Variants in KCNQ3 observed in about 807,000 individuals in gnomAD.
KCNQ3 encodes potassium voltage-gated channel subfamily KQT member 3.
A neutral mutation model predicts 92.5 loss-of-function variants in KCNQ3; 30 were observed. The observed-to-expected ratio is 0.32, with a 90% CI of 0.24 to 0.44. The LOEUF is 0.44. Among genes scored for constraint, KCNQ3 ranks in the 20% least tolerant of loss-of-function variants. KCNQ3 has a pLI of 1.00. For missense variants in KCNQ3, 913 were observed against 1,140.3 expected (o/e 0.80, Z 2.87); for synonymous variants, 450 against 468.8 (o/e 0.96, Z 0.52).
At chr8:132,471,340 C>T (rs1822295549) in intron 1 of KCNQ3, among the ~76,000 whole-genome samples, 1 of 152,134 alleles carries the variant, frequency 6.6e-6, no homozygotes. Context: ...GGCAGATCTC[C>T]TAACTTCTCT....
chr8:132,342,849 G>A (rs1050455773), intron 1 of KCNQ3, among the ~76,000 whole-genome samples: 7 of 152,188 alleles, frequency 4.6e-5, no homozygotes, highest in African/African-American at 1.7e-4. Context: ...AATAAATTGG[G>A]CATAGATTAT....
chr8:132,153,278 A>T (rs1825693211), intron 9 of KCNQ3, among the ~76,000 whole-genome samples: 1 of 152,214 alleles, frequency 6.6e-6, no homozygotes, highest in African/African-American at 2.4e-5. Flanking sequence ...TTGGGAAAGT[A>T]AGACCAAGAG....
At chr8:132,361,381 G>A (rs1009235019) in intron 1 of KCNQ3, among the ~76,000 whole-genome samples, 2 of 152,204 alleles carry the variant, frequency 1.3e-5, no homozygotes, top group Admixed American at 6.5e-5. Context: ...CTCCAAGGCA[G>A]AGATCTTTTA....
intron 1 of KCNQ3, among the ~76,000 whole-genome samples, chr8:132,411,492 C>G (rs912560668): frequency 1.3e-5 from 2 of 152,112 alleles, no homozygotes; most frequent in Non-Finnish European, 2.9e-5. Context: ...AGAAGCAGCT[C>G]TGGAGAGGCA....
intron 1 of KCNQ3, among the ~76,000 whole-genome samples, chr8:132,470,686 C>T (rs1587051989): frequency 6.6e-6 from 1 of 152,164 alleles, no homozygotes; most frequent in South Asian, 2.1e-4. Context: ...CTTAATTATC[C>T]TTATATAATG....
chr8:132,249,709 G>T (rs1015998757), intron 1 of KCNQ3, among the ~76,000 whole-genome samples: 3 of 152,182 alleles, frequency 2.0e-5, no homozygotes, highest in Non-Finnish European at 4.4e-5. Context: ...AGAGCAGGGG[G>T]CGGTGCTCGT....
intron 1 of KCNQ3, among the ~76,000 whole-genome samples, chr8:132,219,562 C>T (rs28551683): frequency 0.07 from 10,702 of 152,158 alleles, 496 homozygotes; most frequent in African/African-American, 0.12. Flanking sequence ...CTGCTGTTCT[C>T]TCTCAGTCTG....
At position 132,479,989 on chromosome 8, in the gene KCNQ3, CA is replaced by C. The variant is rs1563925573; in HGVS notation, c.386+157del. On this transcript the variant is annotated intron_variant, in intron 1 of 14. Coordinates refer to ENST00000388996, the MANE Select transcript of KCNQ3 (RefSeq NM_004519.4). ...ACACACACACACACACACACACACA[CA>C]CACCCAGGGAAACGCGTGCTGAGGA... Among the ~76,000 whole-genome samples, 369 of 149,260 alleles carry C rather than the reference CA, an allele frequency of 2.5e-3. 1 individual carries two copies. The East Asian group carries it at 0.031, about 13-fold the overall frequency.
At chr8:132,366,843 T>A (rs755382258) in intron 1 of KCNQ3, among the ~76,000 whole-genome samples, 4 of 152,220 alleles carry the variant, frequency 2.6e-5, no homozygotes, top group Admixed American at 6.5e-5. Context: ...ATTGCTGGAC[T>A]CTCTTTGCTA....
intron 1 of KCNQ3, among the ~76,000 whole-genome samples, chr8:132,382,741 T>A (rs760798200): frequency 6.6e-6 from 1 of 152,022 alleles, no homozygotes; most frequent in Non-Finnish European, 1.5e-5. Flanking sequence ...TCCTTGTGAA[T>A]TGGGGAAGGG....
At chr8:132,197,830 ATG>A (rs775784815) in intron 1 of KCNQ3, among the ~76,000 whole-genome samples, 4 of 152,206 alleles carry the variant, frequency 2.6e-5, no homozygotes, top group Non-Finnish European at 4.4e-5. Context: ...CTACAAAGTG[ATG>A]TGAGGTTTCA....
At chr8:132,194,329 C>A (rs1035516279) in intron 1 of KCNQ3, among the ~76,000 whole-genome samples, 1 of 152,158 alleles carries the variant, frequency 6.6e-6, no homozygotes, top group Non-Finnish European at 1.5e-5. Context: ...CCTCAAACTG[C>A]GTGAGGATCC....
chr8:132,231,443 T>C (rs1481853592), intron 1 of KCNQ3, among the ~76,000 whole-genome samples: 1 of 152,200 alleles, frequency 6.6e-6, no homozygotes, highest in Non-Finnish European at 1.5e-5. Flanking sequence ...TCAATGTGAC[T>C]GGATTTAAAT....
At chr8:132,391,927 G>C (rs1820057915) in intron 1 of KCNQ3, among the ~76,000 whole-genome samples, 1 of 152,178 alleles carries the variant, frequency 6.6e-6, no homozygotes, top group Non-Finnish European at 1.5e-5. Flanking sequence ...CAGAAGGGAA[G>C]ATAATAATCC....
chr8:132,307,857 G>T (rs1303876827), intron 1 of KCNQ3, among the ~76,000 whole-genome samples: 1 of 152,174 alleles, frequency 6.6e-6, no homozygotes, highest in Non-Finnish European at 1.5e-5. Context: ...GATTAGAAAG[G>T]TTATATGAGT....
chr8:132,249,552 G>A (rs1251912080), intron 1 of KCNQ3, among the ~76,000 whole-genome samples: 1 of 152,214 alleles, frequency 6.6e-6, no homozygotes, highest in Non-Finnish European at 1.5e-5. Context: ...AGACATAAAG[G>A]TTCTCCAAAT....
At chr8:132,290,510 C>G (rs959004823) in intron 1 of KCNQ3, among the ~76,000 whole-genome samples, 1 of 152,034 alleles carries the variant, frequency 6.6e-6, no homozygotes, top group African/African-American at 2.4e-5. Flanking sequence ...ATGAATGAAG[C>G]AAGAATGGTT....
At chr8:132,146,868 G>C (rs931025924) in intron 9 of KCNQ3, among the ~76,000 whole-genome samples, 6 of 152,278 alleles carry the variant, frequency 3.9e-5, no homozygotes, top group East Asian at 3.9e-4. Flanking sequence ...ATGTTGGCCA[G>C]ATTAGTTTCA....
At chr8:132,321,719 T>A (rs72721008) in intron 1 of KCNQ3, among the ~76,000 whole-genome samples, 9 of 152,344 alleles carry the variant, frequency 5.9e-5, no homozygotes, top group Non-Finnish European at 1.3e-4. Context: ...CAAACTCATC[T>A]ATGTTGCATT....
Sources: gnomAD v4.1 joint callset for allele counts (sites outside exome capture counted in the v4.1 genomes callset) on GRCh38, gnomAD v4.1.1 for gene constraint, MANE v1.5 for transcripts, NCBI Gene and HGNC (gene_info 2026-07-23, HGNC 2026-07-21) for gene names.